Variants in L3MBTL3 observed in about 807,000 individuals in gnomAD.
L3MBTL3 encodes lethal(3)malignant brain tumor-like protein 3.
Under a neutral mutation model 102.3 loss-of-function variants are expected in L3MBTL3, and 27 were observed. That is an observed-to-expected ratio of 0.26 (90% CI 0.19 to 0.36). The LOEUF (loss-of-function observed/expected upper bound fraction) is 0.36. L3MBTL3 is among the 10% of genes least tolerant of loss of function. The pLI, the probability that L3MBTL3 is intolerant of heterozygous loss-of-function variation, is 1.00. For missense variants in L3MBTL3, 798 were observed against 955.3 expected, an observed-to-expected ratio of 0.84 and a Z score of 2.17; for synonymous variants, 340 against 320.9, an observed-to-expected ratio of 1.06 and a Z score of -0.64.
At chr6:130,096,514 G>A (rs1400567252) in intron 18 of L3MBTL3, among the ~76,000 whole-genome samples, 1 of 152,130 alleles carries the variant, frequency 6.6e-6, no homozygotes, top group Non-Finnish European at 1.5e-5. Flanking sequence ...TGGTCTTCTG[G>A]AAGGAAGACA....
intron 8 of L3MBTL3, among the ~76,000 whole-genome samples, chr6:130,055,622 GTCTCCCTCCCTCCCTCCCTCCC>G (rs1562270955): frequency 3.4e-5 from 1 of 29,160 alleles, no homozygotes; most frequent in Admixed American, 4.5e-4. Context: ...GCCTCTCCCT[GTCTCCCTCCCTCCCTCCCTCCC>G]TCTCTCTCCC....
At chr6:130,039,527 CAG>C (rs1329989787) in intron 2 of L3MBTL3, among the ~76,000 whole-genome samples, 2 of 151,812 alleles carry the variant, frequency 1.3e-5, no homozygotes, top group Non-Finnish European at 2.9e-5. Flanking sequence ...TATTGGCTTT[CAG>C]ACTTTTTGGT....
intron 20 of L3MBTL3, among the ~76,000 whole-genome samples, chr6:130,130,333 A>G (rs1010979186): frequency 9.9e-5 from 15 of 152,238 alleles, no homozygotes; most frequent in Admixed American, 9.8e-4. Context: ...TTAATAGAAC[A>G]TAAACAGTAA....
intron 2 of L3MBTL3, among the ~76,000 whole-genome samples, chr6:130,029,162 T>C (rs1376275303): frequency 6.6e-6 from 1 of 152,226 alleles, no homozygotes; most frequent in African/African-American, 2.4e-5. Context: ...TCATAAGCAT[T>C]ATAATCAGTG....
chr6:130,137,532 A>T (rs1300707787), intron 22 of L3MBTL3: 2 of 152,048 alleles, frequency 1.3e-5, no homozygotes, highest in Non-Finnish European at 2.9e-5. Flanking sequence ...AGTGTATGTA[A>T]CCTTATAAAT....
chr6:130,125,761 C>G (rs1786557639), intron 20 of L3MBTL3, among the ~76,000 whole-genome samples: 1 of 152,100 alleles, frequency 6.6e-6, no homozygotes, highest in South Asian at 2.1e-4. Flanking sequence ...GAGAATGCCC[C>G]TTGCAGTGTG....
At chr6:130,135,931 C>T (rs557480570) in intron 22 of L3MBTL3, among the ~76,000 whole-genome samples, 25 of 152,282 alleles carry the variant, frequency 1.6e-4, no homozygotes, top group African/African-American at 5.1e-4. Context: ...CAAATCTAAC[C>T]GAAGTCTTAT....
At chr6:130,129,597 GAA>G (rs933359148) in intron 20 of L3MBTL3, among the ~76,000 whole-genome samples, 3 of 152,204 alleles carry the variant, frequency 2.0e-5, no homozygotes, top group African/African-American at 7.2e-5. Flanking sequence ...GGGCAAGTGA[GAA>G]AAGAGTTTGA....
chr6:130,135,410 C>T (rs967148199), intron 22 of L3MBTL3, among the ~76,000 whole-genome samples: 4 of 152,064 alleles, frequency 2.6e-5, no homozygotes, highest in African/African-American at 9.7e-5. Flanking sequence ...ACATAGGGAG[C>T]TGTTGGTCTG....
chr6:130,025,949 A>G (rs953644243), intron 2 of L3MBTL3, among the ~76,000 whole-genome samples: 1 of 152,112 alleles, frequency 6.6e-6, no homozygotes, highest in African/African-American at 2.4e-5. Flanking sequence ...AGTTGGGGAG[A>G]TAACCCATAC....
intron 3 of L3MBTL3, among the ~76,000 whole-genome samples, chr6:130,046,973 C>T (rs750764755): frequency 6.6e-6 from 1 of 152,172 alleles, no homozygotes; most frequent in Non-Finnish European, 1.5e-5. Flanking sequence ...GTGGAAGACA[C>T]AGTAAGCCCA....
rs376130092 is a variant in L3MBTL3, at chr6:130,028,854, T to G, written c.-16+6549T>G. On this transcript the variant is annotated intron_variant, in intron 2 of 22. Transcript: ENST00000361794. Reference sequence around the variant, plus strand: ...CTTATATAAGGAGAGTTTCTTGGAGTGGTGATGTTATGCTTCTGCCAAAGA... The same window carrying G: ...CTTATATAAGGAGAGTTTCTTGGAGGGGTGATGTTATGCTTCTGCCAAAGA... Among the ~76,000 whole-genome samples the G allele has an allele frequency of 3.2e-4, 48 of 152,274 alleles. No homozygotes were observed. The South Asian group carries it at 9.7e-3, about 31-fold the overall frequency.
At chr6:130,106,339 G>A (rs1392945605) in intron 19 of L3MBTL3, among the ~76,000 whole-genome samples, 1 of 152,116 alleles carries the variant, frequency 6.6e-6, no homozygotes, top group African/African-American at 2.4e-5. Flanking sequence ...GCAAAAATGA[G>A]TGGGTTTGAA....
At chr6:130,093,643 T>A (rs193098198) in intron 17 of L3MBTL3, among the ~76,000 whole-genome samples, 170 of 152,260 alleles carry the variant, frequency 1.1e-3, no homozygotes, top group African/African-American at 3.9e-3. Flanking sequence ...ACAGAAAAAT[T>A]TGTAAGACAA....
chr6:130,033,585 A>G (rs1779863432), intron 2 of L3MBTL3, among the ~76,000 whole-genome samples: 1 of 152,180 alleles, frequency 6.6e-6, no homozygotes, highest in Non-Finnish European at 1.5e-5. Context: ...CTTTTAACCA[A>G]AAACTGGCAA....
chr6:130,065,684 C>T (rs891962411), intron 10 of L3MBTL3, among the ~76,000 whole-genome samples: 3 of 152,164 alleles, frequency 2.0e-5, no homozygotes, highest in African/African-American at 7.2e-5. Flanking sequence ...GGGCTGAACC[C>T]TCTCTCTAAG....
chr6:130,116,158 AT>A (rs1027339121), intron 19 of L3MBTL3, among the ~76,000 whole-genome samples: 3 of 152,308 alleles, frequency 2.0e-5, no homozygotes, highest in Non-Finnish European at 2.9e-5. Context: ...TCAGTAGATA[AT>A]TTTATCCTAC....
intron 19 of L3MBTL3, among the ~76,000 whole-genome samples, chr6:130,110,417 C>G (rs570139008): frequency 2.2e-3 from 328 of 152,224 alleles, no homozygotes; most frequent in African/African-American, 7.4e-3. Flanking sequence ...CACGTCCCTT[C>G]TAAGTTTTAT....
At chr6:130,068,532 A>T in intron 12 of L3MBTL3, 111 bp downstream of exon 12, 1 of 612,970 alleles carries the variant, frequency 1.6e-6, no homozygotes, top group Admixed American at 2.8e-5. Flanking sequence ...TCGCCTTGGT[A>T]AATAGAGTAC....
Sources: allele counts gnomAD v4.1 joint callset (sites outside exome capture counted in the v4.1 genomes callset), GRCh38; gene constraint gnomAD v4.1.1; transcripts MANE v1.5; gene names NCBI Gene and HGNC (gene_info 2026-07-23, HGNC 2026-07-21).